Variants in RNF180 observed in about 807,000 individuals in gnomAD.
The protein encoded by RNF180 is E3 ubiquitin-protein ligase RNF180.
In RNF180, 38 loss-of-function variants were observed where a neutral mutation model predicts 59.2. The ratio of observed to expected loss-of-function variants is 0.64; its 90% CI spans 0.50 to 0.84. The LOEUF (loss-of-function observed/expected upper bound fraction) is 0.84. Among genes scored for constraint, RNF180 ranks in the 40% least tolerant of loss-of-function variants. RNF180 has a pLI of 0.00. For synonymous variants in RNF180, 262 were observed against 240.3 expected (o/e 1.09, Z -0.84); for missense variants, 705 against 700.9 (o/e 1.01, Z -0.07).
rs1417652706 is a variant in RNF180, at chr5:64,215,779, G to T, written c.1191+1262G>T. Among the ~76,000 whole-genome samples the T allele has an allele frequency of 2.6e-5, 4 of 152,020 alleles. No homozygotes were observed. The East Asian group carries it at 7.7e-4, about 29-fold the overall frequency. On this transcript the variant is annotated intron_variant, in intron 4 of 7. Coordinates refer to ENST00000389100, the MANE Select transcript of RNF180 (RefSeq NM_001113561.2). Reference sequence around the variant, plus strand: ...CAAAATGATTAATGTAATGTGGAGGGCTCTAAAATCTGTAGCAAATAGAAA... The same window carrying T: ...CAAAATGATTAATGTAATGTGGAGGTCTCTAAAATCTGTAGCAAATAGAAA...
At chr5:64,309,716 G>A (rs1423174545) in intron 5 of RNF180, among the ~76,000 whole-genome samples, 2 of 151,062 alleles carry the variant, frequency 1.3e-5, no homozygotes, top group Non-Finnish European at 3.0e-5. Context: ...CTGTTTATAG[G>A]TTCTTTATAA....
intron 5 of RNF180, among the ~76,000 whole-genome samples, chr5:64,307,803 T>A (rs1249307035): frequency 6.6e-6 from 1 of 151,630 alleles, no homozygotes; most frequent in Non-Finnish European, 1.5e-5. Context: ...AACGGAATGG[T>A]TGCATGGGGA....
chr5:64,268,128 A>G (rs577351750), intron 5 of RNF180, among the ~76,000 whole-genome samples: 43 of 152,220 alleles, frequency 2.8e-4, no homozygotes, highest in African/African-American at 7.7e-4. Context: ...TTAGTTTCCA[A>G]TGTTTATTCA....
At position 64,353,588 on chromosome 5, in the gene RNF180, A is replaced by T. The variant is rs557657528; in HGVS notation, c.1580-16027A>T. The stretch of plus-strand genomic sequence containing the variant: ...TAACATAAACCCAGAATTCATGAGT[A>T]TAAATATAAATGTATGTTATATAAC... On this transcript the variant is annotated intron_variant, in intron 7 of 7. Transcript: ENST00000389100. 1.9e-4 allele frequency among the ~76,000 whole-genome samples: 29 copies of T among 151,960 alleles called. No individual in the cohort carries two copies. The South Asian group carries it at 5.8e-3, about 30-fold the overall frequency.
chr5:64,216,089 T>G (rs1479393034), intron 4 of RNF180, among the ~76,000 whole-genome samples: 2 of 152,092 alleles, frequency 1.3e-5, no homozygotes, highest in Non-Finnish European at 1.5e-5. Flanking sequence ...TTGTCACAGG[T>G]CAGTGTAGGG....
chr5:64,219,890 T>A (rs920632513), intron 5 of RNF180, among the ~76,000 whole-genome samples: 2 of 152,218 alleles, frequency 1.3e-5, no homozygotes, highest in Admixed American at 1.3e-4. Context: ...GATGTGTTTG[T>A]TGAAAGGCAT....
intron 1 of RNF180, among the ~76,000 whole-genome samples, chr5:64,195,037 T>A (rs1751385884): frequency 6.6e-6 from 1 of 152,206 alleles, no homozygotes; most frequent in Admixed American, 6.5e-5. Flanking sequence ...AATTAGTATA[T>A]TTCTAGCACC....
At chr5:64,276,868 A>G (rs1741747037) in intron 5 of RNF180, among the ~76,000 whole-genome samples, 1 of 152,094 alleles carries the variant, frequency 6.6e-6, no homozygotes, top group Non-Finnish European at 1.5e-5. Context: ...TTATATTACC[A>G]ACGCAAGCAC....
chr5:64,279,129 G>T (rs1324750226), intron 5 of RNF180, among the ~76,000 whole-genome samples: 1 of 152,124 alleles, frequency 6.6e-6, no homozygotes, highest in Non-Finnish European at 1.5e-5. Flanking sequence ...TTTGCCAAGG[G>T]AAAAGCCAGA....
intron 5 of RNF180, among the ~76,000 whole-genome samples, chr5:64,284,760 C>T (rs560464903): frequency 6.6e-6 from 1 of 152,260 alleles, no homozygotes; most frequent in African/African-American, 2.4e-5. Context: ...ATTGGACTTC[C>T]ACTCTCTCCT....
intron 5 of RNF180, among the ~76,000 whole-genome samples, chr5:64,291,962 T>G (rs570819581): frequency 6.6e-6 from 1 of 152,196 alleles, no homozygotes. Flanking sequence ...GAATTTCTTA[T>G]GTTTTTTTAG....
intron 2 of RNF180, among the ~76,000 whole-genome samples, chr5:64,206,826 A>G (rs927718246): frequency 6.6e-6 from 1 of 152,218 alleles, no homozygotes; most frequent in African/African-American, 2.4e-5. Flanking sequence ...AGCCACCTGC[A>G]GGCTAGAAAG....
Position 64,275,312 on chromosome 5 carries a change from AGAATTCTCTAAATCTTATTCTC to A in RNF180, c.1228-49873_1228-49852del, listed in dbSNP as rs547009135. Among the ~76,000 whole-genome samples the A allele has an allele frequency of 1.3e-3, 188 of 143,374 alleles. 3 individuals are homozygous for A. The highest frequency in any genetic ancestry group is 0.012 in the Admixed American group (174 of 14,210). 94.1% of individuals were successfully genotyped at this position (143,374 alleles called of 152,430 possible). On this transcript the variant is annotated intron_variant, in intron 5 of 7. Coordinates refer to ENST00000389100, the MANE Select transcript of RNF180 (RefSeq NM_001113561.2). ...GAATAAGATTTAGAGAATAAGATAT[AGAATTCTCTAAATCTTATTCTC>A]TAAATCTTATTCTTATTTTTCATAT...
At chr5:64,350,692 C>G (rs1234582403) in intron 7 of RNF180, among the ~76,000 whole-genome samples, 1 of 152,048 alleles carries the variant, frequency 6.6e-6, no homozygotes, top group African/African-American at 2.4e-5. Flanking sequence ...TTGTTTTTGT[C>G]AGGTTTGTCA....
rs115957385 is a variant in RNF180, at chr5:64,296,740, G to A, written c.1228-28446G>A. The stretch of plus-strand genomic sequence containing the variant: ...TAATTAGAATTTTGTTTTGCAACCT[G>A]TGCTCTCCTGTCCCAGGCTTTGGAG... On this transcript the variant is annotated intron_variant, in intron 5 of 7. Coordinates refer to ENST00000389100, the MANE Select transcript of RNF180 (RefSeq NM_001113561.2). Among the ~76,000 whole-genome samples the A allele has an allele frequency of 3.2e-3, 493 of 152,172 alleles. 1 individual carries two copies. The highest frequency in any genetic ancestry group is 0.012 in the African/African-American group (485 of 41,554).
intron 5 of RNF180, among the ~76,000 whole-genome samples, chr5:64,312,698 C>G (rs1743830417): frequency 6.6e-6 from 1 of 151,952 alleles, no homozygotes; most frequent in Non-Finnish European, 1.5e-5. Context: ...TGGAAAACAC[C>G]CACACAGGAA....
At chr5:64,182,532 A>G (rs146377461) in intron 1 of RNF180, among the ~76,000 whole-genome samples, 51 of 152,328 alleles carry the variant, frequency 3.3e-4, no homozygotes, top group African/African-American at 1.2e-3. Flanking sequence ...CAGAAGAAAT[A>G]ACTGGGACAG....
At chr5:64,330,510 C>G (rs762696852) in intron 7 of RNF180, 104 bp downstream of exon 7, 42 of 1,058,100 alleles carry the variant, frequency 4.0e-5, no homozygotes, top group Non-Finnish European at 5.2e-5. Context: ...AAACATATTT[C>G]TGTATTAATC....
intron 7 of RNF180, among the ~76,000 whole-genome samples, chr5:64,360,260 A>G (rs562274774): frequency 3.9e-4 from 58 of 150,408 alleles, no homozygotes; most frequent in Non-Finnish European, 7.0e-4. Flanking sequence ...ATTCTTCAAT[A>G]TACGCAAATC....
Sources: allele counts gnomAD v4.1 joint callset (sites outside exome capture counted in the v4.1 genomes callset), GRCh38; gene constraint gnomAD v4.1.1; transcripts MANE v1.5; gene names NCBI Gene and HGNC (gene_info 2026-07-23, HGNC 2026-07-21).